IL1RAPL1: variants seen among roughly 807,000 people sequenced by gnomAD.
IL1RAPL1 encodes the protein interleukin-1 receptor accessory protein-like 1.
A neutral mutation model predicts 48.4 loss-of-function variants in IL1RAPL1; 3 were observed. The observed-to-expected ratio is 0.06, with a 90% CI of 0.03 to 0.16. The LOEUF is 0.16. Ranked by LOEUF, IL1RAPL1 falls within the 10% of genes least tolerant of loss-of-function variation. IL1RAPL1 has a pLI of 1.00. For missense variants in IL1RAPL1, 349 were observed against 530.6 expected, an observed-to-expected ratio of 0.66 and a Z score of 3.36; for synonymous variants, 185 against 187.7, an observed-to-expected ratio of 0.99 and a Z score of 0.12.
At chrX:28,735,122 G>C (rs1207532632) in intron 1 of IL1RAPL1, among the ~76,000 whole-genome samples, 1 of 111,747 alleles carries the variant, frequency 8.9e-6, no homozygotes, top group Non-Finnish European at 1.9e-5. Flanking sequence ...TGCCAACTGT[G>C]ATTTCCAATT....
chrX:28,605,046 T>C (rs1934068135), intron 1 of IL1RAPL1, among the ~76,000 whole-genome samples: 1 of 111,335 alleles, frequency 9.0e-6, no homozygotes, highest in Non-Finnish European at 1.9e-5. Context: ...GCACAATCTC[T>C]TGGTTTAACT....
chrX:29,882,534 G>T (rs1366845697), intron 6 of IL1RAPL1, among the ~76,000 whole-genome samples: 1 of 111,463 alleles, frequency 9.0e-6, no homozygotes, highest in Non-Finnish European at 1.9e-5. Context: ...AAATATTTTA[G>T]GTTTTACAGG....
At chrX:28,969,120 A>C (rs773896244) in intron 2 of IL1RAPL1, among the ~76,000 whole-genome samples, 2 of 112,401 alleles carry the variant, frequency 1.8e-5, no homozygotes, top group Admixed American at 9.4e-5. Context: ...GAGGAAGTCT[A>C]AAACACATAG....
intron 5 of IL1RAPL1, among the ~76,000 whole-genome samples, chrX:29,416,691 G>GT (rs1264180711): frequency 2.0e-4 from 22 of 111,735 alleles, no homozygotes; most frequent in Non-Finnish European, 4.0e-4. Flanking sequence ...TTTACAAATT[G>GT]TTTTTTAAAA....
chrX:29,166,518 T>C (rs1929788787), intron 2 of IL1RAPL1, among the ~76,000 whole-genome samples: 1 of 111,601 alleles, frequency 9.0e-6, no homozygotes, highest in Non-Finnish European at 1.9e-5. Context: ...TCTGAACAAT[T>C]GAAACTGCAT....
chrX:28,985,378 G>A (rs933560919), intron 2 of IL1RAPL1, among the ~76,000 whole-genome samples: 19 of 111,442 alleles, frequency 1.7e-4, no homozygotes, highest in Non-Finnish European at 3.2e-4. Flanking sequence ...TAGAATAGCA[G>A]GATGGGAATG....
chrX:28,759,794 A>C (rs1250107325), intron 1 of IL1RAPL1, among the ~76,000 whole-genome samples: 1 of 111,866 alleles, frequency 8.9e-6, no homozygotes, highest in Non-Finnish European at 1.9e-5. Context: ...TGAGTATGGA[A>C]GGATTAGGGT....
rs546781360 is a variant in IL1RAPL1, at chrX:28,698,796, C to T, written c.-24-90524C>T. On this transcript the variant is annotated intron_variant, in intron 1 of 10. Transcript: ENST00000378993. ...GTTGAAGTTTTTATAAGTGACCATT[C>T]GTGGTCATCTTATATGTTTGAATTA... Among the ~76,000 whole-genome samples, 33 of 111,376 alleles carry T rather than the reference C, an allele frequency of 3.0e-4. No homozygotes were observed. In the South Asian group the frequency reaches 0.011, roughly 38 times the overall value.
At chrX:29,628,950 T>A (rs1203787612) in intron 5 of IL1RAPL1, among the ~76,000 whole-genome samples, 1 of 112,193 alleles carries the variant, frequency 8.9e-6, no homozygotes, top group African/African-American at 3.2e-5. Context: ...GTGCCTAGAC[T>A]TGTAATAATA....
chrX:28,613,166 A>T (rs1438944991), intron 1 of IL1RAPL1, among the ~76,000 whole-genome samples: 1 of 112,504 alleles, frequency 8.9e-6, no homozygotes, highest in African/African-American at 3.2e-5. Context: ...CAGCTGAGAT[A>T]ATGGCTCAGG....
intron 5 of IL1RAPL1, among the ~76,000 whole-genome samples, chrX:29,404,726 C>T (rs923614615): frequency 1.8e-5 from 2 of 111,733 alleles, no homozygotes; most frequent in Non-Finnish European, 3.8e-5. Flanking sequence ...TGGCACTCTT[C>T]TTTATGTAGA....
chrX:28,882,546 G>A (rs772936876), intron 2 of IL1RAPL1, among the ~76,000 whole-genome samples: 15 of 111,944 alleles, frequency 1.3e-4, no homozygotes, highest in Admixed American at 8.5e-4. Context: ...AGGAGGCTGA[G>A]GCAGGAGAAT....
chrX:28,739,513 A>G (rs1268906012), intron 1 of IL1RAPL1, among the ~76,000 whole-genome samples: 2 of 111,460 alleles, frequency 1.8e-5, no homozygotes, highest in Non-Finnish European at 3.8e-5. Context: ...TACGAGGAAG[A>G]TACCATTTAT....
chrX:29,744,057 A>G (rs1287825057), intron 6 of IL1RAPL1, among the ~76,000 whole-genome samples: 1 of 111,994 alleles, frequency 8.9e-6, no homozygotes, highest in African/African-American at 3.2e-5. Flanking sequence ...CTGCCTTAGT[A>G]CTTTTTGTTG....
chrX:29,728,935 A>G (rs1210802821), intron 6 of IL1RAPL1, among the ~76,000 whole-genome samples: 1 of 111,364 alleles, frequency 9.0e-6, no homozygotes, highest in Non-Finnish European at 1.9e-5. Flanking sequence ...GCCTCTCTGC[A>G]TGGCTATATT....
chrX:29,885,634 G>C (rs925623172), intron 6 of IL1RAPL1, among the ~76,000 whole-genome samples: 3 of 111,202 alleles, frequency 2.7e-5, no homozygotes, highest in African/African-American at 9.8e-5. Flanking sequence ...AACATAGTGA[G>C]ACCCTGTCTC....
rs779228949 is a variant in IL1RAPL1 at position 28,659,503 on chromosome X, C to T, written c.-25+71456C>T. ...GACCTCCTTGCTTAACCACCCTTCTCCTTCGGCTGGAGCTCGGCGAGCTAG... is the reference window on the plus strand; with the variant it reads ...GACCTCCTTGCTTAACCACCCTTCTTCTTCGGCTGGAGCTCGGCGAGCTAG... On this transcript the variant is annotated intron_variant, in intron 1 of 10. Coordinates refer to ENST00000378993, the MANE Select transcript of IL1RAPL1 (RefSeq NM_014271.4). 49 of 478,214 alleles carry T rather than the reference C, an allele frequency of 1.0e-4. No individual in the cohort carries two copies. The East Asian group carries it at 1.8e-3, about 18-fold the overall frequency. 39.4% of individuals were successfully genotyped at this position (478,214 alleles called of 1,213,427 possible). A position where few individuals can be genotyped will look rare whatever the true frequency, so the allele number is the denominator to read the frequency against.
chrX:29,684,389 C>T (rs1270615310), intron 6 of IL1RAPL1, among the ~76,000 whole-genome samples: 2 of 111,377 alleles, frequency 1.8e-5, no homozygotes. Flanking sequence ...GCAGAGCCCT[C>T]ATCACCTCCG....
intron 1 of IL1RAPL1, among the ~76,000 whole-genome samples, chrX:28,787,379 G>T (rs1374997857): frequency 9.0e-6 from 1 of 111,361 alleles, no homozygotes; most frequent in Admixed American, 9.5e-5. Flanking sequence ...TAGTGTGGTG[G>T]CTGGGAAATG....
Sources: gnomAD v4.1 joint callset for allele counts (sites outside exome capture counted in the v4.1 genomes callset) on GRCh38, gnomAD v4.1.1 for gene constraint, MANE v1.5 for transcripts, NCBI Gene and HGNC (gene_info 2026-07-23, HGNC 2026-07-21) for gene names.